RMDN1: variants seen among roughly 807,000 people sequenced by gnomAD.
The protein encoded by RMDN1 is regulator of microtubule dynamics protein 1.
RMDN1 carries 48 observed loss-of-function variants against 48.9 expected under a neutral mutation model. The observed-to-expected ratio is 0.98, with a 90% CI of 0.78 to 1.25. RMDN1 has a LOEUF of 1.25. Ranked by LOEUF, RMDN1 falls within the 50% of genes most tolerant of loss-of-function variation. RMDN1 has a pLI of 0.00. For missense variants in RMDN1, 418 were observed against 373.4 expected (o/e 1.12, Z -0.98); for synonymous variants, 148 against 132.6 (o/e 1.12, Z -0.80).
At position 86,508,514 on chromosome 8, in the gene RMDN1, G is replaced by A. The variant is rs747280673; in HGVS notation, c.107C>T (p.Pro36Leu). The change falls in exon 1 of 10, where the codon CCC (proline) becomes CTC (leucine). Residue 36 changes from proline to leucine, a missense_variant. Transcript: ENST00000406452. ...GTSGSRGHCG[P>L]CRFRGFEVMG... Reference sequence around the variant, plus strand: ...TACCTCGAAGCCGCGGAATCGACAGGGGCCGCAATGCCCGCGGCTGCCCGA... The same window carrying A: ...TACCTCGAAGCCGCGGAATCGACAGAGGCCGCAATGCCCGCGGCTGCCCGA... The A allele has an allele frequency of 1.7e-5, 26 of 1,561,078 alleles. 1 individual carries two copies. Among genetic ancestry groups the A allele is most frequent in the African/African-American group, 4.1e-5 (3 of 73,856 alleles).
Position 86,473,623 on chromosome 8 carries a change from G to T in RMDN1, c.*685C>A. ...TCTACCAAAAATACAAAAGTTAGCCGAGTGTGGTGGTACAACCCTGTAATC... is the reference window on the plus strand; with the variant it reads ...TCTACCAAAAATACAAAAGTTAGCCTAGTGTGGTGGTACAACCCTGTAATC... On this transcript the variant is annotated 3_prime_UTR_variant, in exon 10 of 10. Coordinates refer to ENST00000406452, the MANE Select transcript of RMDN1 (RefSeq NM_016033.3). The T allele has an allele frequency of 2.7e-6, 1 of 364,086 alleles. No homozygotes were observed. The highest frequency in any genetic ancestry group is 3.8e-6 in the Non-Finnish European group (1 of 262,386). 22.6% of individuals were successfully genotyped at this position (364,086 alleles called of 1,614,324 possible).
At chr8:86,494,940 C>A (rs1237676789) in intron 2 of RMDN1, 1 of 439,968 alleles carries the variant, frequency 2.3e-6, no homozygotes, top group Admixed American at 2.5e-5. Context: ...CACCTCCACA[C>A]TCTACCCTCA....
intron 2 of RMDN1, among the ~76,000 whole-genome samples, chr8:86,489,656 C>T (rs919712607): frequency 1.3e-5 from 2 of 151,982 alleles, no homozygotes; most frequent in Non-Finnish European, 2.9e-5. Flanking sequence ...ATGGTGAAAC[C>T]CCATCTCTAC....
chr8:86,502,626 T>G (rs1818448135), intron 2 of RMDN1, among the ~76,000 whole-genome samples: 1 of 152,206 alleles, frequency 6.6e-6, no homozygotes, highest in South Asian at 2.1e-4. Context: ...TTTCAACTTG[T>G]TACTTACCAA....
At chr8:86,483,245 TATAAAAC>T (rs2130763113) in intron 5 of RMDN1, among the ~76,000 whole-genome samples, 1 of 152,358 alleles carries the variant, frequency 6.6e-6, no homozygotes, top group South Asian at 2.1e-4. Flanking sequence ...TGAAAGCTTA[TATAAAAC>T]ATTGTTTTTT....
chr8:86,505,202 G>A (rs1264719309), intron 2 of RMDN1: 19 of 729,280 alleles, frequency 2.6e-5, no homozygotes, highest in African/African-American at 3.7e-5. Context: ...CACTCCATGC[G>A]CACCTCAAGG....
downstream of RMDN1, chr8:86,468,725 A>T (rs143374425): frequency 1.6e-4 from 73 of 456,196 alleles, no homozygotes; most frequent in African/African-American, 1.1e-3. Context: ...AGACAAAACC[A>T]GCTTTGTTTT....
chr8:86,514,294 G>C, exon 1 of RMDN1: 2 of 984,678 alleles, frequency 2.0e-6, no homozygotes, highest in African/African-American at 3.5e-5. Context: ...GAATGGCCTC[G>C]AAGCGCCAGC....
chr8:86,508,451 G>A (rs766898807), intron 1 of RMDN1, 41 bp downstream of exon 1: 67 of 1,530,654 alleles, frequency 4.4e-5, no homozygotes, highest in African/African-American at 5.5e-5. Context: ...GGAACCCACT[G>A]AGTAGGAAGT....
downstream of RMDN1, chr8:86,468,485 C>G: frequency 2.4e-6 from 1 of 420,914 alleles, no homozygotes; most frequent in Non-Finnish European, 4.6e-6. Context: ...GGGAAACTGG[C>G]CTTCAAAAAG....
chr8:86,469,073 C>T (rs931509743), downstream of RMDN1, among the ~76,000 whole-genome samples: 1 of 150,580 alleles, frequency 6.6e-6, no homozygotes. Context: ...AGGCCCAATA[C>T]AATTCTGTCT....
In RMDN1 at chr8:86,479,411, G is replaced by A. The variant is rs187035877; in HGVS notation, c.642-401C>T. 3.2e-3 allele frequency among the ~76,000 whole-genome samples: 487 copies of A among 152,232 alleles called. 4 individuals are homozygous for A. Among genetic ancestry groups the A allele is most frequent in the African/African-American group, 0.011 (447 of 41,548 alleles). ...AAAATGACAAAGCTAAACATCAAAT[G>A]TATAAATAACAGCAACCAACAACTT... On this transcript the variant is annotated intron_variant, in intron 6 of 9. Coordinates refer to ENST00000406452, the MANE Select transcript of RMDN1 (RefSeq NM_016033.3).
At chr8:86,503,788 C>T (rs1818807593) in intron 2 of RMDN1, 1 of 511,852 alleles carries the variant, frequency 2.0e-6, no homozygotes. Context: ...CCATATTCTC[C>T]ATTGTTGGTA....
chr8:86,509,775 A>C (rs1819947409), upstream of RMDN1, among the ~76,000 whole-genome samples: 2 of 151,982 alleles, frequency 1.3e-5, no homozygotes, highest in Admixed American at 1.3e-4. Context: ...TATGATTGCT[A>C]CCTCCACTAG....
At chr8:86,500,517 A>C (rs1818027920) in intron 2 of RMDN1, among the ~76,000 whole-genome samples, 1 of 142,156 alleles carries the variant, frequency 7.0e-6, no homozygotes, top group Admixed American at 8.1e-5. Flanking sequence ...TTAAAATTTC[A>C]AAAAAAAATA....
intron 5 of RMDN1, among the ~76,000 whole-genome samples, chr8:86,483,471 T>C (rs1053617208): frequency 1.3e-5 from 2 of 152,220 alleles, no homozygotes; most frequent in African/African-American, 4.8e-5. Context: ...CATTAGTTTA[T>C]GTGCCACTAA....
downstream of RMDN1, chr8:86,468,343 C>CGAAA (rs965084564): frequency 2.2e-6 from 1 of 447,258 alleles, no homozygotes; most frequent in African/African-American, 2.0e-5. Context: ...ATAGTAAAGA[C>CGAAA]GAAAGAAAGG....
At chr8:86,498,451 A>G (rs1306611498) in intron 2 of RMDN1, among the ~76,000 whole-genome samples, 1 of 152,026 alleles carries the variant, frequency 6.6e-6, no homozygotes, top group Non-Finnish European at 1.5e-5. Flanking sequence ...CAGAGACACA[A>G]TGGAAAAGGA....
intron 8 of RMDN1, chr8:86,475,200 G>A: frequency 2.7e-6 from 1 of 368,548 alleles, no homozygotes; most frequent in Non-Finnish European, 4.8e-6. Context: ...TCACAACTTT[G>A]TAAGTAGGTA....
Sources: gnomAD v4.1 joint callset for allele counts (sites outside exome capture counted in the v4.1 genomes callset) on GRCh38, gnomAD v4.1.1 for gene constraint, MANE v1.5 for transcripts, NCBI Gene and HGNC (gene_info 2026-07-23, HGNC 2026-07-21) for gene names.